MYLIP: variants seen among roughly 807,000 people sequenced by gnomAD.
MYLIP encodes the protein E3 ubiquitin-protein ligase MYLIP.
Under a neutral mutation model 45.8 loss-of-function variants are expected in MYLIP, and 26 were observed. The observed-to-expected ratio is 0.57, with a 90% CI of 0.42 to 0.79. The LOEUF is 0.79. Ranked by LOEUF, MYLIP falls within the 30% of genes least tolerant of loss-of-function variation. The pLI is 0.00. For missense variants in MYLIP, 494 were observed against 555.6 expected (o/e 0.89, Z 1.11); for synonymous variants, 213 against 218.1 (o/e 0.98, Z 0.21).
chr6:16,155,570 C>T, the MYLIP span, among the ~76,000 whole-genome samples: 1 of 152,228 alleles, frequency 6.6e-6, no homozygotes, highest in Non-Finnish European at 1.5e-5. Context: ...CGGGAAATTT[C>T]CCTGACCCCT....
At chr6:16,157,182 G>A in the MYLIP span, among the ~76,000 whole-genome samples, 73 of 152,288 alleles carry the variant, frequency 4.8e-4, no homozygotes, top group African/African-American at 1.5e-3. Flanking sequence ...CTTAGGGAGC[G>A]CTTTTCCCTT....
intron 6 of MYLIP, 21 bp from the exon 7 acceptor site, chr6:16,146,641 C>T (rs1230593807): frequency 5.6e-6 from 9 of 1,596,630 alleles, no homozygotes; most frequent in Non-Finnish European, 7.7e-6. Flanking sequence ...CTAACAGAGA[C>T]TGTTGGCTTT....
In MYLIP at chr6:16,145,233, G is replaced by T; in HGVS notation, c.1164G>T (p.Met388Ile). The stretch of plus-strand genomic sequence containing the variant: ...AGCTGAAGGAAGCCATGCTGTGCAT[G>T]GTGTGCTGCGAGGAGGAGATCAACT... ...LRKLKEAMLC[M>I]VCCEEEINST... Residue 388 changes from methionine to isoleucine, a missense_variant, in exon 6 of 7, where the codon ATG becomes ATT. Coordinates refer to ENST00000356840, the MANE Select transcript of MYLIP (RefSeq NM_013262.4). 6.2e-7 allele frequency: 1 copy of T among 1,614,006 alleles called. No homozygotes were observed. Among genetic ancestry groups the T allele is most frequent in the East Asian group, 2.2e-5 (1 of 44,864 alleles).
At chr6:16,141,038 G>A (rs982083174) in intron 2 of MYLIP, among the ~76,000 whole-genome samples, 2 of 152,226 alleles carry the variant, frequency 1.3e-5, no homozygotes, top group African/African-American at 4.8e-5. Context: ...AGAGTCCAAA[G>A]TCAGTCCGTG....
At chr6:16,141,832 T>C in intron 3 of MYLIP, 22 bp downstream of exon 3, 6 of 1,586,006 alleles carry the variant, frequency 3.8e-6, no homozygotes, top group Non-Finnish European at 5.2e-6. Flanking sequence ...GAATATAGTA[T>C]TGTTTACAAC....
chr6:16,146,881 A>G lies in MYLIP; in HGVS notation c.*130A>G, dbSNP rs74708826. 2 of 767,816 alleles carry G rather than the reference A, an allele frequency of 2.6e-6. No homozygotes were observed. Among genetic ancestry groups the G allele is most frequent in the South Asian group, 2.0e-5 (1 of 50,440 alleles). 47.6% of individuals were successfully genotyped at this position (767,816 alleles called of 1,614,324 possible). A position where few individuals can be genotyped will look rare whatever the true frequency, so the allele number is the denominator to read the frequency against. Reference sequence around the variant, plus strand: ...CCATGCGATGTTAAAAAAAAAAAAAAGGAAGAAAAATAACACAGCTACTCC... The same window carrying G: ...CCATGCGATGTTAAAAAAAAAAAAAGGGAAGAAAAATAACACAGCTACTCC... On this transcript the variant is annotated 3_prime_UTR_variant, in exon 7 of 7. Coordinates refer to ENST00000356840, the MANE Select transcript of MYLIP (RefSeq NM_013262.4).
Position 16,146,897 on chromosome 6 carries a change from CA to C in MYLIP, c.*147del. 1.5e-6 allele frequency: 1 copy of C among 675,074 alleles called. No individual in the cohort carries two copies. Among genetic ancestry groups the C allele is most frequent in the Non-Finnish European group, 2.4e-6 (1 of 410,170 alleles). 41.8% of individuals were successfully genotyped at this position (675,074 alleles called of 1,614,324 possible). The stretch of plus-strand genomic sequence containing the variant: ...AAAAAAAAAAGGAAGAAAAATAACA[CA>C]GCTACTCCTCACTGCAAAAACATAT... On this transcript the variant is annotated 3_prime_UTR_variant, in exon 7 of 7. Coordinates refer to ENST00000356840, the MANE Select transcript of MYLIP (RefSeq NM_013262.4).
At chr6:16,148,686 G>C (rs1230368407), downstream of MYLIP, among the ~76,000 whole-genome samples, 1 of 152,136 alleles carries the variant, frequency 6.6e-6, no homozygotes, top group African/African-American at 2.4e-5. Flanking sequence ...GGTGCTGCTG[G>C]TGTGTGGCCT....
At chr6:16,143,314 C>T in intron 4 of MYLIP, 97 bp downstream of exon 4, 1 of 1,213,890 alleles carries the variant, frequency 8.2e-7, no homozygotes, top group South Asian at 1.3e-5. Flanking sequence ...CGACAGTCAG[C>T]TCTTAGGAAT....
At position 16,129,638 on chromosome 6, in the gene MYLIP, C is replaced by A. The variant is rs545135600; in HGVS notation, c.87+229C>A. On this transcript the variant is annotated intron_variant, in intron 1 of 6. Coordinates refer to ENST00000356840, the MANE Select transcript of MYLIP (RefSeq NM_013262.4). The surrounding 1 kb of genome is among the most constrained non-coding windows in gnomAD (Gnocchi z 5.1). ...CAGCGGGGGTCCCCAGCGCTGAGGG[C>A]CGGGCGCAGCCCGCAGCCGGGATCC... 1.3e-3 allele frequency among the ~76,000 whole-genome samples: 200 copies of A among 152,274 alleles called. No homozygotes were observed. The highest frequency in any genetic ancestry group is 4.3e-3 in the African/African-American group (178 of 41,576).
the MYLIP span, among the ~76,000 whole-genome samples, chr6:16,159,718 A>G: frequency 6.6e-6 from 1 of 152,168 alleles, no homozygotes; most frequent in Non-Finnish European, 1.5e-5. Flanking sequence ...CCTCTTTGGA[A>G]TAGGGACATG....
rs973212552 is a variant in MYLIP, at chr6:16,129,634, A to G, written c.87+225A>G. ...CGCGCAGCGGGGGTCCCCAGCGCTGAGGGCCGGGCGCAGCCCGCAGCCGGG... is the reference window on the plus strand; with the variant it reads ...CGCGCAGCGGGGGTCCCCAGCGCTGGGGGCCGGGCGCAGCCCGCAGCCGGG... On this transcript the variant is annotated intron_variant, in intron 1 of 6. Coordinates refer to ENST00000356840, the MANE Select transcript of MYLIP (RefSeq NM_013262.4). This position sits in a 1 kb window ranked among gnomAD's most constrained non-coding sequence, Gnocchi z 5.1. Among the ~76,000 whole-genome samples the G allele has an allele frequency of 1.9e-4, 29 of 152,240 alleles. No individual in the cohort carries two copies. Among genetic ancestry groups the G allele is most frequent in the African/African-American group, 6.5e-4 (27 of 41,560 alleles).
downstream of MYLIP, among the ~76,000 whole-genome samples, chr6:16,152,964 G>T (rs1759895211): frequency 6.6e-6 from 1 of 152,144 alleles, no homozygotes. Context: ...AGTTAGGTTG[G>T]AATCTTATCC....
chr6:16,160,103 C>T, the MYLIP span, among the ~76,000 whole-genome samples: 5 of 152,184 alleles, frequency 3.3e-5, no homozygotes, highest in South Asian at 6.2e-4. Context: ...CTTGTTTCTA[C>T]CACAATAGTA....
the MYLIP span, among the ~76,000 whole-genome samples, chr6:16,156,481 CT>C: frequency 1.1e-4 from 16 of 152,182 alleles, no homozygotes; most frequent in Non-Finnish European, 1.9e-4. Context: ...CAAAATTTCT[CT>C]GACCATCTCT....
At chr6:16,158,435 A>G in the MYLIP span, among the ~76,000 whole-genome samples, 1 of 152,252 alleles carries the variant, frequency 6.6e-6, no homozygotes, top group Non-Finnish European at 1.5e-5. Context: ...ATGAAAACAA[A>G]GAGATACGAT....
At chr6:16,132,987 A>C (rs928944168) in intron 2 of MYLIP, among the ~76,000 whole-genome samples, 7 of 152,196 alleles carry the variant, frequency 4.6e-5, no homozygotes, top group African/African-American at 1.4e-4. Flanking sequence ...AATGATGCTG[A>C]AATATCCTGG....
rs543872782 is a variant in MYLIP, at chr6:16,135,759, A to C, written c.278+5012A>C. Among the ~76,000 whole-genome samples the C allele has an allele frequency of 6.2e-4, 66 of 106,172 alleles. 2 individuals carry two copies. The highest frequency in any genetic ancestry group is 1.1e-3 in the African/African-American group (36 of 31,424). 69.7% of individuals were successfully genotyped at this position (106,172 alleles called of 152,430 possible). On this transcript the variant is annotated intron_variant, in intron 2 of 6. Transcript: ENST00000356840. The stretch of plus-strand genomic sequence containing the variant: ...TATGTGTGTGTATACATATATCTAT[A>C]TATATATATATATATATATGTATGC...
chr6:16,140,041 C>A (rs957230606), intron 2 of MYLIP, among the ~76,000 whole-genome samples: 1 of 152,202 alleles, frequency 6.6e-6, no homozygotes, highest in African/African-American at 2.4e-5. Flanking sequence ...ACTGCCTCCT[C>A]CTTAGTCGAT....
Sources: gnomAD v4.1 joint callset for allele counts (sites outside exome capture counted in the v4.1 genomes callset) on GRCh38, gnomAD v4.1.1 for gene constraint, Gnocchi (gnomAD v3.1) non-coding constraint, MANE v1.5 for transcripts, NCBI Gene and HGNC (gene_info 2026-07-23, HGNC 2026-07-21) for gene names.